Variants in UNC13B observed in about 807,000 individuals in gnomAD.
UNC13B encodes the protein unc-13 homolog B.
A neutral mutation model predicts 211.0 loss-of-function variants in UNC13B; 144 were observed. The ratio of observed to expected loss-of-function variants is 0.68; its 90% CI spans 0.60 to 0.78. The LOEUF (loss-of-function observed/expected upper bound fraction) is 0.78, where lower values mean the gene tolerates loss of function less well. Ranked by LOEUF, UNC13B falls within the 30% of genes least tolerant of loss-of-function variation. UNC13B has a pLI of 0.00. For synonymous variants in UNC13B, 709 were observed against 725.8 expected (o/e 0.98, Z 0.37); for missense variants, 1,777 against 2,002.0 (o/e 0.89, Z 2.14).
intron 1 of UNC13B, among the ~76,000 whole-genome samples, chr9:35,212,480 C>T (rs1824022986): frequency 6.6e-6 from 1 of 152,130 alleles, no homozygotes; most frequent in Non-Finnish European, 1.5e-5. Flanking sequence ...GGCTAAGGCA[C>T]AAGAATCGCT....
chr9:35,252,782 T>A (rs1826583575), intron 6 of UNC13B, among the ~76,000 whole-genome samples: 1 of 151,932 alleles, frequency 6.6e-6, no homozygotes. Context: ...TACAAAAAAT[T>A]AGCCGGGCGT....
Position 35,301,512 on chromosome 9 carries a change from G to A in UNC13B, c.2108G>A (p.Ser703Asn), listed in dbSNP as rs1334532930. 2.5e-6 allele frequency: 1 copy of A among 398,868 alleles called. No homozygotes were observed. The highest frequency in any genetic ancestry group is 4.4e-6 in the Non-Finnish European group (1 of 225,958). 24.7% of individuals were successfully genotyped at this position (398,868 alleles called of 1,614,324 possible). A position where few individuals can be genotyped will look rare whatever the true frequency, so the allele number is the denominator to read the frequency against. Residue 703 changes from serine (S) to asparagine (N), a missense_variant, in exon 9 of 40, where the codon AGT becomes AAT. Physicochemically the swap from Ser to Asn is conservative, Grantham distance 46. Coordinates refer to ENST00000635942, the MANE Select transcript of UNC13B (RefSeq NM_001371189.2). ...NKREGTLDNY[S>N]SSIIALNGSD... The stretch of plus-strand genomic sequence containing the variant: ...AGGGAAGGCACTCTTGACAATTACA[G>A]TAGTAGCATCATTGCTTTAAATGGG...
At chr9:35,167,277 G>A (rs1159659769) in intron 1 of UNC13B, among the ~76,000 whole-genome samples, 1 of 151,972 alleles carries the variant, frequency 6.6e-6, no homozygotes, top group Admixed American at 6.6e-5. Flanking sequence ...GTTTCACCTT[G>A]TTAGCCAGGA....
intron 11 of UNC13B, among the ~76,000 whole-genome samples, chr9:35,344,789 A>G (rs530343248): frequency 6.6e-6 from 1 of 152,334 alleles, no homozygotes; most frequent in East Asian, 1.9e-4. Flanking sequence ...CATAACCTAG[A>G]TCACAATGTA....
In UNC13B at chr9:35,304,084, T is replaced by C. The variant is rs1276949453; in HGVS notation, c.4680T>C (p.Tyr1560=). The change falls in exon 9 of 40, where the codon TAT becomes TAC. Residue 1560 remains tyrosine, a synonymous_variant. Transcript: ENST00000635942. ...QYAYLFIPDS[Y]QEYLDCDLQT... ...CATATTTATTTATACCTGATTCTTATCAAGAGTATTTGGATTGTGATTTAC... is the reference window on the plus strand; with the variant it reads ...CATATTTATTTATACCTGATTCTTACCAAGAGTATTTGGATTGTGATTTAC... 1 of 398,652 alleles carries C rather than the reference T, an allele frequency of 2.5e-6. No homozygotes were observed. The highest frequency in any genetic ancestry group is 4.4e-6 in the Non-Finnish European group (1 of 225,858). The allele number at this position is 398,652 out of a possible 1,614,324, so 24.7% of individuals were successfully genotyped here.
At chr9:35,294,244 G>A (rs1829238782) in intron 7 of UNC13B, among the ~76,000 whole-genome samples, 1 of 151,698 alleles carries the variant, frequency 6.6e-6, no homozygotes, top group African/African-American at 2.4e-5. Flanking sequence ...TCCTGCCTGA[G>A]CAATTGTAAA....
rs934462027 is a variant in UNC13B at position 35,345,689 on chromosome 9, T to A, written c.9415-21258T>A. 2.6e-5 allele frequency among the ~76,000 whole-genome samples: 4 copies of A among 152,172 alleles called. No homozygotes were observed. The East Asian group carries it at 7.7e-4, about 29-fold the overall frequency. On this transcript the variant is annotated intron_variant, in intron 11 of 39. Transcript: ENST00000635942. Reference sequence around the variant, plus strand: ...TCATGGGTTAGATTCTGGGTGTGATTGTATTTGTTGTATGCTTTGTTATAC... The same window carrying A: ...TCATGGGTTAGATTCTGGGTGTGATAGTATTTGTTGTATGCTTTGTTATAC...
At chr9:35,297,533 A>G (rs1829428602) in intron 8 of UNC13B, among the ~76,000 whole-genome samples, 1 of 137,236 alleles carries the variant, frequency 7.3e-6, no homozygotes, top group Non-Finnish European at 1.6e-5. Flanking sequence ...GCATTCAGGA[A>G]GCACATACTT....
intron 29 of UNC13B, 32 bp downstream of exon 29, chr9:35,397,342 TACC>T: frequency 6.2e-7 from 1 of 1,608,890 alleles, no homozygotes; most frequent in Non-Finnish European, 8.5e-7. Context: ...CCCTCCCCCT[TACC>T]ACCACCACAC....
intron 6 of UNC13B, among the ~76,000 whole-genome samples, chr9:35,258,121 G>T (rs922599817): frequency 1.3e-5 from 2 of 152,132 alleles, no homozygotes; most frequent in Non-Finnish European, 1.5e-5. Context: ...TCATTCATTG[G>T]CAGTTTTAGA....
In UNC13B at chr9:35,288,577, G is replaced by A. The variant is rs1828919640; in HGVS notation, c.527-7119G>A. On this transcript the variant is annotated intron_variant, in intron 7 of 39. Transcript: ENST00000635942. ...AGTTATGTGTTTTAATGCATTTTTG[G>A]GATAGGGAAGGAAACTTGCTTATTT... Among the ~76,000 whole-genome samples the A allele has an allele frequency of 2.0e-5, 3 of 152,110 alleles. No homozygotes were observed. In the South Asian group the frequency reaches 6.2e-4, roughly 32 times the overall value.
rs140054175 is a variant in UNC13B, at chr9:35,242,837, C to G, written c.395-454C>G. Among the ~76,000 whole-genome samples, 7 of 152,258 alleles carry G rather than the reference C, an allele frequency of 4.6e-5. No homozygotes were observed. In the East Asian group the frequency reaches 1.2e-3, roughly 25 times the overall value. On this transcript the variant is annotated intron_variant, in intron 5 of 39. Transcript: ENST00000635942. Reference sequence around the variant, plus strand: ...AGAACTATGTCACATGGTAATTCTACTTTTAATTTTTTTGGGAGAAAACCT... The same window carrying G: ...AGAACTATGTCACATGGTAATTCTAGTTTTAATTTTTTTGGGAGAAAACCT...
intron 24 of UNC13B, among the ~76,000 whole-genome samples, chr9:35,387,373 T>C (rs773193308): frequency 2.6e-5 from 4 of 152,238 alleles, no homozygotes; most frequent in Non-Finnish European, 5.9e-5. Flanking sequence ...GACTAAGATC[T>C]TGTTCCTACT....
chr9:35,261,722 G>C lies in UNC13B; in HGVS notation c.526+2672G>C, dbSNP rs138853826. On this transcript the variant is annotated intron_variant, in intron 7 of 39. Transcript: ENST00000635942. The stretch of plus-strand genomic sequence containing the variant: ...CAAATACTAGATCTTACTCATTCTA[G>C]ATAACTATTTTTGTACGCATTAACC... Among the ~76,000 whole-genome samples the C allele has an allele frequency of 1.1e-3, 166 of 151,734 alleles. 1 individual carries two copies. The East Asian group carries it at 0.029, about 27-fold the overall frequency.
rs118093579 is a variant in UNC13B at position 35,179,021 on chromosome 9, C to T, written c.22+16716C>T. ...TTAATCATTTAATTCTTGTAATAAC[C>T]TTGTTATCCTCATTTTACAAATGAG... On this transcript the variant is annotated intron_variant, in intron 1 of 39. Coordinates refer to ENST00000635942, the MANE Select transcript of UNC13B (RefSeq NM_001371189.2). Among the ~76,000 whole-genome samples the T allele has an allele frequency of 9.2e-3, 1,391 of 151,978 alleles. 11 individuals carry two copies. The highest frequency in any genetic ancestry group is 0.055 in the Middle Eastern group (16 of 292).
At chr9:35,199,626 C>T (rs1199135144) in intron 1 of UNC13B, among the ~76,000 whole-genome samples, 1 of 152,186 alleles carries the variant, frequency 6.6e-6, no homozygotes, top group Non-Finnish European at 1.5e-5. Flanking sequence ...TGTCTGTTGG[C>T]TGCATAAATG....
chr9:35,360,276 T>C (rs984490412), intron 11 of UNC13B, among the ~76,000 whole-genome samples: 4 of 152,240 alleles, frequency 2.6e-5, no homozygotes, highest in Admixed American at 2.6e-4. Flanking sequence ...ACATAGTATA[T>C]TGTTATTTCT....
In UNC13B at chr9:35,307,871, G is replaced by A. The variant is rs1332776938; in HGVS notation, c.8467G>A (p.Gly2823Arg). The change falls in exon 9 of 40, where the codon GGG (glycine) becomes AGG (arginine). Residue 2823 changes from glycine to arginine, a missense_variant. Physicochemically the swap from Gly to Arg is moderately radical, Grantham distance 125. Coordinates refer to ENST00000635942, the MANE Select transcript of UNC13B (RefSeq NM_001371189.2). ...AACTCTATTTGAGGGAAGTAGTGAG[G>A]GGAAAGGGAGTGTATTAGCAAGTGA... is the stretch of plus-strand genomic sequence containing the variant. ...LSTLFEGSSEGKGSVLASDSK... is the reference protein window; with the variant it reads ...LSTLFEGSSERKGSVLASDSK... 2.5e-6 allele frequency: 1 copy of A among 398,878 alleles called. No homozygotes were observed. Among genetic ancestry groups the A allele is most frequent in the Non-Finnish European group, 4.4e-6 (1 of 226,100 alleles). The allele number at this position is 398,878 out of a possible 1,614,324, so 24.7% of individuals were successfully genotyped here.
chr9:35,188,000 T>C (rs560268648), intron 1 of UNC13B, among the ~76,000 whole-genome samples: 1 of 152,300 alleles, frequency 6.6e-6, no homozygotes, highest in African/African-American at 2.4e-5. Context: ...ACTTACTCAA[T>C]TATTAAAGGC....
Sources: allele counts gnomAD v4.1 joint callset (sites outside exome capture counted in the v4.1 genomes callset), GRCh38; gene constraint gnomAD v4.1.1; transcripts MANE v1.5; gene names NCBI Gene and HGNC (gene_info 2026-07-23, HGNC 2026-07-21).